Variants in NSD1 observed in about 807,000 individuals in gnomAD.
The protein encoded by NSD1 is histone-lysine N-methyltransferase, H3 lysine-36 specific.
A neutral mutation model predicts 242.7 loss-of-function variants in NSD1; 26 were observed. The ratio of observed to expected loss-of-function variants is 0.11; its 90% CI spans 0.08 to 0.15. NSD1 has a LOEUF of 0.15. Among genes scored for constraint, NSD1 ranks in the 10% least tolerant of loss-of-function variants. The probability of loss-of-function intolerance (pLI) is 1.00; values close to 1 mark genes in which losing one functional copy is unlikely to be tolerated. For synonymous variants in NSD1, 1,106 were observed against 1,178.1 expected (o/e 0.94, Z 1.25); for missense variants, 2,495 against 3,272.8 (o/e 0.76, Z 5.80).
At chr5:177,256,392 C>A (rs1411749066) in intron 12 of NSD1, among the ~76,000 whole-genome samples, 1 of 150,904 alleles carries the variant, frequency 6.6e-6, no homozygotes. Flanking sequence ...AAGCAATCCT[C>A]CTGCCTCAGC....
rs1022234295 is a variant in NSD1, at chr5:177,139,967, C to G, written c.927+3937C>G. On this transcript the variant is annotated intron_variant, in intron 2 of 22. Transcript: ENST00000439151. ...AAAAAAAAAAAAAAAGGAGAAAATT[C>G]TCTTGGCAGTGGGTAAGAGTAGTTA... Among the ~76,000 whole-genome samples the G allele has an allele frequency of 2.0e-5, 3 of 150,830 alleles. No homozygotes were observed. The South Asian group carries it at 6.3e-4, about 32-fold the overall frequency.
intron 5 of NSD1, among the ~76,000 whole-genome samples, chr5:177,234,445 T>C (rs1246088717): frequency 1.3e-5 from 2 of 152,202 alleles, no homozygotes; most frequent in Admixed American, 6.5e-5. Context: ...CTGGGCGCAG[T>C]GTCTCGAGAG....
Position 177,207,374 on chromosome 5 carries a change from C to T in NSD1, c.1237-2262C>T, listed in dbSNP as rs566247182. On this transcript the variant is annotated intron_variant, in intron 4 of 22. Transcript: ENST00000439151. The stretch of plus-strand genomic sequence containing the variant: ...GTCAGCTCACTACAACCTCCGCCTC[C>T]CGGGTTCACGCCATTCTCCTGCCTC... 3.3e-5 allele frequency among the ~76,000 whole-genome samples: 5 copies of T among 151,884 alleles called. No individual in the cohort carries two copies. In the East Asian group the frequency reaches 9.7e-4, roughly 29 times the overall value.
chr5:177,218,526 C>CTATTTT (rs1763967165), intron 5 of NSD1, among the ~76,000 whole-genome samples: 1 of 150,454 alleles, frequency 6.6e-6, no homozygotes, highest in Non-Finnish European at 1.5e-5. Flanking sequence ...TTTGAACCAT[C>CTATTTT]GTTGCATTCC....
chr5:177,178,794 G>T (rs758495512), intron 2 of NSD1, among the ~76,000 whole-genome samples: 52 of 152,166 alleles, frequency 3.4e-4, no homozygotes, highest in Non-Finnish European at 6.2e-4. Context: ...TGATTACTGA[G>T]TAGGTGCTGG....
At chr5:177,229,095 T>C (rs1180437817) in intron 5 of NSD1, among the ~76,000 whole-genome samples, 1 of 152,116 alleles carries the variant, frequency 6.6e-6, no homozygotes, top group Non-Finnish European at 1.5e-5. Flanking sequence ...AAAAAAAAAC[T>C]TACCATCTGT....
chr5:177,258,044 A>G (rs1343297006), intron 13 of NSD1, among the ~76,000 whole-genome samples: 9 of 130,324 alleles, frequency 6.9e-5, no homozygotes, highest in African/African-American at 2.3e-4. Context: ...GCAATGGTGC[A>G]ATCTCAGCTC....
intron 2 of NSD1, among the ~76,000 whole-genome samples, chr5:177,181,331 A>C (rs1483652469): frequency 5.3e-5 from 8 of 152,116 alleles, no homozygotes; most frequent in Non-Finnish European, 1.2e-4. Flanking sequence ...CTGTGCATAA[A>C]ATACTATCAA....
At chr5:177,156,162 C>T (rs923365159) in intron 2 of NSD1, among the ~76,000 whole-genome samples, 7 of 148,316 alleles carry the variant, frequency 4.7e-5, no homozygotes, top group Non-Finnish European at 8.9e-5. Flanking sequence ...ACTCTTCCCT[C>T]GCTCTTTTCA....
chr5:177,206,839 G>A (rs1762903544), intron 4 of NSD1, among the ~76,000 whole-genome samples: 1 of 147,144 alleles, frequency 6.8e-6, no homozygotes, highest in South Asian at 2.2e-4. Flanking sequence ...AGCATTAGTG[G>A]ATATGTGTTT....
At position 177,296,850 on chromosome 5, in the gene NSD1, T is replaced by C. The variant is rs1760288537; in HGVS notation, c.*1391T>C. 2 of 233,226 alleles carry C rather than the reference T, an allele frequency of 8.6e-6. No homozygotes were observed. The allele number at this position is 233,226 out of a possible 1,614,324, so 14.4% of individuals were successfully genotyped here. A position where few individuals can be genotyped will look rare whatever the true frequency, so the allele number is the denominator to read the frequency against. On this transcript the variant is annotated 3_prime_UTR_variant, in exon 23 of 23. Transcript: ENST00000439151. ...TGCTGTTTGGCTAGTTTCCTCCCAC[T>C]TGTCTACCCCTCCTTTGTCCTTAGA...
Position 177,256,976 on chromosome 5 carries a change from G to A in NSD1, c.4791G>A (p.Lys1597=). The change falls in exon 13 of 23, where the codon AAG becomes AAA. Residue 1597 remains lysine (K), a synonymous_variant. Coordinates refer to ENST00000439151, the MANE Select transcript of NSD1 (RefSeq NM_022455.5). The part of the protein sequence containing the change: ...RTGIHTCFVC[K]QSGEDVKRCL... ...GAATCCATACCTGTTTTGTATGTAA[G>A]CAGAGTGGGGAAGATGTTAAAAGGT... is the stretch of plus-strand genomic sequence containing the variant. 6.2e-7 allele frequency: 1 copy of A among 1,614,054 alleles called. No individual in the cohort carries two copies. Among genetic ancestry groups the A allele is most frequent in the Non-Finnish European group, 8.5e-7 (1 of 1,179,976 alleles).
At chr5:177,207,718 C>T (rs181375607) in intron 4 of NSD1, among the ~76,000 whole-genome samples, 3 of 148,384 alleles carry the variant, frequency 2.0e-5, no homozygotes, top group Non-Finnish European at 4.4e-5. Context: ...GTGTGAGCCA[C>T]TCCACGCAGC....
chr5:177,214,895 G>A (rs559102340), intron 5 of NSD1, among the ~76,000 whole-genome samples: 1 of 152,188 alleles, frequency 6.6e-6, no homozygotes, highest in East Asian at 1.9e-4. Flanking sequence ...TAGAGACAGG[G>A]TGTCACCATG....
intron 2 of NSD1, among the ~76,000 whole-genome samples, chr5:177,170,741 C>T (rs1366392749): frequency 6.6e-6 from 1 of 152,102 alleles, no homozygotes; most frequent in Non-Finnish European, 1.5e-5. Context: ...CATGTATTCA[C>T]AGTGTTATAT....
intron 2 of NSD1, among the ~76,000 whole-genome samples, chr5:177,178,737 C>T (rs1461137192): frequency 1.3e-5 from 2 of 152,064 alleles, no homozygotes; most frequent in African/African-American, 4.8e-5. Flanking sequence ...TTTTTAAGAA[C>T]ATTAAAAAGT....
intron 5 of NSD1, among the ~76,000 whole-genome samples, chr5:177,228,896 A>G (rs1157665672): frequency 6.6e-6 from 1 of 152,160 alleles, no homozygotes; most frequent in Admixed American, 6.5e-5. Context: ...GAGCATTTCT[A>G]CCATCCCAGT....
intron 2 of NSD1, among the ~76,000 whole-genome samples, chr5:177,164,149 CTTTTT>C (rs56076836): frequency 2.2e-5 from 3 of 138,408 alleles, no homozygotes; most frequent in African/African-American, 8.1e-5. Flanking sequence ...AAAATGTAAC[CTTTTT>C]TTTTTTTTTT....
chr5:177,135,768 T>C lies in NSD1; in HGVS notation c.665T>C (p.Val222Ala). The C allele has an allele frequency of 1.9e-6, 3 of 1,613,112 alleles. No homozygotes were observed. The highest frequency in any genetic ancestry group is 2.5e-6 in the Non-Finnish European group (3 of 1,179,132). The change falls in exon 2 of 23, where the codon GTC (valine) becomes GCC (alanine). Residue 222 changes from valine (V) to alanine (A), a missense_variant. This residue lies in a region of NSD1 where 376 missense variants were observed against 367.4 expected (regional missense o/e 1.02). Coordinates refer to ENST00000439151, the MANE Select transcript of NSD1 (RefSeq NM_022455.5). The stretch of plus-strand genomic sequence containing the variant: ...ACACCAGAGAGTAGACACGGTGCAG[T>C]CAAATCGCCATTCTTGCCATTAGCT... ...DSTPESRHGA[V>A]KSPFLPLAPQ...
Sources: gnomAD v4.1 joint callset for allele counts (sites outside exome capture counted in the v4.1 genomes callset) on GRCh38, gnomAD v4.1.1 for gene constraint, gnomAD v4.1.1 regional missense constraint, MANE v1.5 for transcripts, NCBI Gene and HGNC (gene_info 2026-07-23, HGNC 2026-07-21) for gene names.